Variants in ACLY observed in about 807,000 individuals in gnomAD.
ACLY encodes the protein ATP-citrate synthase.
ACLY carries 41 observed loss-of-function variants against 133.0 expected under a neutral mutation model. The ratio of observed to expected loss-of-function variants is 0.31; its 90% CI spans 0.24 to 0.40. ACLY has a LOEUF of 0.40. Among genes scored for constraint, ACLY ranks in the 10% least tolerant of loss-of-function variants. The pLI is 1.00. For synonymous variants in ACLY, 495 were observed against 549.3 expected, an observed-to-expected ratio of 0.90 and a Z score of 1.38; for missense variants, 1,046 against 1,453.8, an observed-to-expected ratio of 0.72 and a Z score of 4.56.
rs782573989 is a variant in ACLY at position 41,886,199 on chromosome 17, C to T, written c.1985G>A (p.Arg662His). The change falls in exon 18 of 29, where the codon CGT becomes CAT. Residue 662 changes from arginine (R) to histidine (H), a missense_variant. By Grantham distance (29) the Arg-to-His change is conservative. Around this residue, in one of 4 missense-constraint regions of ACLY, gnomAD observed 575 missense variants for 804.2 expected, o/e 0.71. Transcript: ENST00000352035. ...YRPGSVAYVS[R>H]SGGMSNELNN... The stretch of plus-strand genomic sequence containing the variant: ...GAGCTCGTTGGACATGCCTCCGGAA[C>T]GTGAGACATAGGCCACGCTGCCTGG... 7 of 1,614,206 alleles carry T rather than the reference C, an allele frequency of 4.3e-6. No homozygotes were observed. The highest frequency in any genetic ancestry group is 2.2e-5 in the South Asian group (2 of 91,078).
chr17:41,910,217 C>T lies in ACLY; in HGVS notation c.345+5G>A, dbSNP rs1555633422. 2 of 1,613,422 alleles carry T rather than the reference C, an allele frequency of 1.2e-6. No individual in the cohort carries two copies. The highest frequency in any genetic ancestry group is 1.7e-5 in the Admixed American group (1 of 59,910). ...AGACCCAGCCTGGAGCCGCCTCACA[C>T]ATACCTGACTGTGGGGGACGAAGGG... On this transcript the variant is annotated splice_donor_5th_base_variant and intron_variant, in intron 4 of 28. Coordinates refer to ENST00000352035, the MANE Select transcript of ACLY (RefSeq NM_001096.3).
At chr17:41,878,670 C>T in intron 21 of ACLY, 127 bp downstream of exon 21, 1 of 1,176,862 alleles carries the variant, frequency 8.5e-7, no homozygotes, top group Non-Finnish European at 1.2e-6. Context: ...TTTGAACCAT[C>T]CATACAGCTG....
chr17:41,914,384 G>A (rs1384115984), intron 1 of ACLY, among the ~76,000 whole-genome samples: 1 of 152,118 alleles, frequency 6.6e-6, no homozygotes, highest in African/African-American at 2.4e-5. Context: ...TCTCCCTACA[G>A]GTTTCATCTC....
chr17:41,889,517 C>T lies in ACLY; in HGVS notation c.1771-1814G>A, dbSNP rs1180323550. On this transcript the variant is annotated intron_variant, in intron 16 of 28. Transcript: ENST00000352035. Reference sequence around the variant, plus strand: ...TAGCTTGGGTGATGGAGAAAGGCTCCATTTCACAAAAAAAAAAAAAAAAAA... The same window carrying T: ...TAGCTTGGGTGATGGAGAAAGGCTCTATTTCACAAAAAAAAAAAAAAAAAA... Among the ~76,000 whole-genome samples the T allele has an allele frequency of 6.2e-4, 5 of 8,052 alleles. No homozygotes were observed. In the South Asian group the frequency reaches 0.034, roughly 56 times the overall value. 5.3% of individuals were successfully genotyped at this position (8,052 alleles called of 152,430 possible). A position where few individuals can be genotyped will look rare whatever the true frequency, so the allele number is the denominator to read the frequency against.
At chr17:41,887,538 AG>A in intron 17 of ACLY, 60 bp downstream of exon 17, 1 of 1,401,734 alleles carries the variant, frequency 7.1e-7, no homozygotes, top group Non-Finnish European at 1.0e-6. Flanking sequence ...AAACTTCCTA[AG>A]GGCATTGAAC....
rs782124013 is a variant in ACLY, at chr17:41,893,019, A to T, written c.1601+14T>A. The T allele has an allele frequency of 1.2e-6, 2 of 1,610,666 alleles. No individual in the cohort carries two copies. The highest frequency in any genetic ancestry group is 1.7e-6 in the Non-Finnish European group (2 of 1,177,850). ...GCAGAGGAAGGAGATATTTCCCGCC[A>T]TGGGGTAACTCACGTGAAAGGGTAG... On this transcript the variant is annotated intron_variant, in intron 15 of 28. Transcript: ENST00000352035.
At chr17:41,889,102 G>A (rs1330650007) in intron 16 of ACLY, among the ~76,000 whole-genome samples, 2 of 152,016 alleles carry the variant, frequency 1.3e-5, no homozygotes, top group African/African-American at 4.8e-5. Flanking sequence ...TGGGCAATGA[G>A]AGCAAAACTC....
intron 3 of ACLY, 59 bp downstream of exon 3, chr17:41,912,361 A>C: frequency 1.3e-6 from 2 of 1,593,398 alleles, no homozygotes; most frequent in South Asian, 2.3e-5. Flanking sequence ...GCTGACCTGG[A>C]GGTGACCATA....
chr17:41,916,443 G>A (rs1026878438), intron 1 of ACLY, among the ~76,000 whole-genome samples: 4 of 150,910 alleles, frequency 2.7e-5, no homozygotes, highest in Non-Finnish European at 2.9e-5. Context: ...GAGTGATCTC[G>A]GCTCACTGCA....
At position 41,878,205 on chromosome 17, in the gene ACLY, C is replaced by A. The variant is rs1555626519; in HGVS notation, c.2394-9G>T. Reference sequence around the variant, plus strand: ...GATCTTCGTATACAGACCTGGGAGGCAGGAAAAAAAAGACATCCATGTGGA... The same window carrying A: ...GATCTTCGTATACAGACCTGGGAGGAAGGAAAAAAAAGACATCCATGTGGA... On this transcript the variant is annotated splice_polypyrimidine_tract_variant and intron_variant, in intron 21 of 28. Coordinates refer to ENST00000352035, the MANE Select transcript of ACLY (RefSeq NM_001096.3). The A allele has an allele frequency of 1.9e-6, 3 of 1,545,836 alleles. No individual in the cohort carries two copies. Among genetic ancestry groups the A allele is most frequent in the African/African-American group, 1.4e-5 (1 of 70,762 alleles).
chr17:41,887,906 T>A (rs1555628561), intron 16 of ACLY, among the ~76,000 whole-genome samples: 1 of 151,942 alleles, frequency 6.6e-6, no homozygotes, highest in Non-Finnish European at 1.5e-5. Flanking sequence ...GGAGGGTGGA[T>A]CTTCTAAGGT....
rs184327677 is a variant in ACLY at position 41,904,486 on chromosome 17, G to A, written c.1065+243C>T. 9.7e-4 allele frequency: 499 copies of A among 516,618 alleles called. 7 individuals are homozygous for A. The East Asian group carries it at 0.013, about 13-fold the overall frequency. 32.0% of individuals were successfully genotyped at this position (516,618 alleles called of 1,614,324 possible). On this transcript the variant is annotated intron_variant, in intron 10 of 28. Transcript: ENST00000352035. ...AAGAAAGCAGAAATTCGCCTCCCAT[G>A]CTTCAGGTGGGAGAGTTATAGTTCA...
At chr17:41,902,124 T>A (rs1390772372) in intron 10 of ACLY, among the ~76,000 whole-genome samples, 1 of 152,218 alleles carries the variant, frequency 6.6e-6, no homozygotes, top group African/African-American at 2.4e-5. Flanking sequence ...TTGTTTTTGG[T>A]GGGGATATCT....
intron 14 of ACLY, among the ~76,000 whole-genome samples, chr17:41,893,831 C>A (rs1434071099): frequency 1.3e-5 from 2 of 152,198 alleles, no homozygotes; most frequent in African/African-American, 2.4e-5. Context: ...ACCTGCTCTC[C>A]TGTTTTTCCT....
chr17:41,912,173 C>A (rs1259223695), intron 3 of ACLY, among the ~76,000 whole-genome samples: 1 of 151,556 alleles, frequency 6.6e-6, no homozygotes, highest in East Asian at 1.9e-4. Flanking sequence ...ATTGAGGTTA[C>A]CTCTGCAGCA....
chr17:41,910,117 C>T (rs782642161), intron 4 of ACLY, 105 bp downstream of exon 4: 35 of 1,158,192 alleles, frequency 3.0e-5, no homozygotes, highest in Non-Finnish European at 4.3e-5. Flanking sequence ...GGACCCTGGT[C>T]CCTCTGACTG....
chr17:41,911,685 A>T (rs2049905388), intron 3 of ACLY, among the ~76,000 whole-genome samples: 1 of 152,054 alleles, frequency 6.6e-6, no homozygotes, highest in Non-Finnish European at 1.5e-5. Flanking sequence ...GGATGGTGGC[A>T]TGCACCTATA....
At chr17:41,913,610 A>C (rs1239322307) in intron 2 of ACLY, 105 bp downstream of exon 2, 1 of 1,242,280 alleles carries the variant, frequency 8.0e-7, no homozygotes, top group African/African-American at 1.5e-5. Flanking sequence ...TGCTGCTGGC[A>C]GCCTCCAACC....
At chr17:41,896,099 T>C (rs1254464515) in intron 14 of ACLY, among the ~76,000 whole-genome samples, 7 of 152,048 alleles carry the variant, frequency 4.6e-5, no homozygotes, top group East Asian at 1.9e-4. Context: ...CAGAAAAAGA[T>C]AAACTGGTCC....
Sources: gnomAD v4.1 joint callset for allele counts (sites outside exome capture counted in the v4.1 genomes callset) on GRCh38, gnomAD v4.1.1 for gene constraint, gnomAD v4.1.1 regional missense constraint, MANE v1.5 for transcripts, NCBI Gene and HGNC (gene_info 2026-07-23, HGNC 2026-07-21) for gene names.